Variants in NCKAP1 observed in about 807,000 individuals in gnomAD.
NCKAP1 encodes the protein NCK associated protein 1, also known as nck-associated protein 1.
NCKAP1 carries 21 observed loss-of-function variants against 151.2 expected under a neutral mutation model. The ratio of observed to expected loss-of-function variants is 0.14; its 90% confidence interval spans 0.10 to 0.20. NCKAP1 has a LOEUF of 0.20. Ranked by LOEUF, NCKAP1 falls within the 10% of genes least tolerant of loss-of-function variation. NCKAP1 has a pLI of 1.00. For missense variants in NCKAP1, 933 were observed against 1,352.1 expected, an observed-to-expected ratio of 0.69 and a Z score of 4.86; for synonymous variants, 484 against 451.8, an observed-to-expected ratio of 1.07 and a Z score of -0.90.
Position 182,995,754 on chromosome 2 carries a change from A to G in NCKAP1, c.688T>C (p.Leu230=), listed in dbSNP as rs1698256373. The G allele has an allele frequency of 1.2e-6, 2 of 1,613,934 alleles. No individual in the cohort carries two copies. The highest frequency in any genetic ancestry group is 2.2e-5 in the East Asian group (1 of 44,854). The part of the protein sequence containing the change: ...SADQWRNAQL[L]SLISAPSTML... The stretch of plus-strand genomic sequence containing the variant: ...GTACTAGGTGCACTGATGAGGCTCA[A>G]TAACTGGGCATTTCTCCACTGGTCA... The change falls in exon 7 of 31, where the codon TTG becomes CTG. Residue 230 remains leucine (L), a synonymous_variant. Coordinates refer to ENST00000361354, the MANE Select transcript of NCKAP1 (RefSeq NM_013436.5).
At chr2:182,934,593 T>C in intron 26 of NCKAP1, 159 bp downstream of exon 26, 1 of 524,736 alleles carries the variant, frequency 1.9e-6, no homozygotes, top group South Asian at 2.9e-5. Context: ...ATTTTGGTGC[T>C]GAGCTCTCAA....
At position 182,916,949 on chromosome 2, in the gene NCKAP1, T is replaced by C. The variant is rs1408997057; in HGVS notation, c.*8753A>G. The stretch of plus-strand genomic sequence containing the variant: ...CACACAAATGTTACATTTGCATGAG[T>C]GGAAGTTCTGATATTATAATACTCA... On this transcript the variant is annotated 3_prime_UTR_variant, in exon 31 of 31. Transcript: ENST00000361354. The C allele has an allele frequency of 6.6e-6, 1 of 152,066 alleles. No homozygotes were observed. The highest frequency in any genetic ancestry group is 1.5e-5 in the Non-Finnish European group (1 of 68,002). The allele number at this position is 152,066 out of a possible 1,614,324, so 9.4% of individuals were successfully genotyped here. A position where few individuals can be genotyped will look rare whatever the true frequency, so the allele number is the denominator to read the frequency against.
At position 182,989,058 on chromosome 2, in the gene NCKAP1, C is replaced by T; in HGVS notation, c.919G>A (p.Ala307Thr). The change falls in exon 9 of 31, where the codon GCA becomes ACA. Residue 307 changes from alanine (A) to threonine (T), a missense_variant. Ala to Thr is a moderately conservative substitution (Grantham distance 58). This residue lies in a region of NCKAP1 where 607 missense variants were observed against 795.0 expected (regional missense o/e 0.76). Transcript: ENST00000361354. ...RDEVFHIHKA[A>T]EDLFVNIRGY... ...CGTATGTTTACAAATAAGTCTTCTG[C>T]AGCTTTGTGAATGTGGAAAACTTCA... 1 of 1,612,638 alleles carries T rather than the reference C, an allele frequency of 6.2e-7. No homozygotes were observed. Among genetic ancestry groups the T allele is most frequent in the East Asian group, 2.2e-5 (1 of 44,858 alleles).
At position 183,038,360 on chromosome 2, in the gene NCKAP1, C is replaced by T. The variant is rs1699150638; in HGVS notation, c.-261G>A. 2.0e-5 allele frequency: 6 copies of T among 295,410 alleles called. No individual in the cohort carries two copies. The East Asian group carries it at 3.5e-4, about 17-fold the overall frequency. 18.3% of individuals were successfully genotyped at this position (295,410 alleles called of 1,614,324 possible). ...CCCGCCGCCCTTCCGCCCCCACCCC[C>T]GGCGCTCTCCGCCCCAGCCCCCAAC... is the stretch of plus-strand genomic sequence containing the variant. On this transcript the variant is annotated 5_prime_UTR_variant, in exon 1 of 31. Transcript: ENST00000361354.
intron 1 of NCKAP1, among the ~76,000 whole-genome samples, chr2:183,035,919 T>G (rs1448622777): frequency 1.3e-5 from 2 of 152,136 alleles, no homozygotes; most frequent in Non-Finnish European, 2.9e-5. Flanking sequence ...TTTCAAAAAT[T>G]ACACTGTCCC....
intron 15 of NCKAP1, among the ~76,000 whole-genome samples, chr2:182,972,782 T>C (rs897702588): frequency 1.3e-5 from 2 of 152,120 alleles, no homozygotes; most frequent in Non-Finnish European, 2.9e-5. Flanking sequence ...TTATGTTAAG[T>C]GAAATAAGCC....
intron 1 of NCKAP1, among the ~76,000 whole-genome samples, chr2:183,032,883 T>TA (rs1699032986): frequency 1.3e-5 from 2 of 151,068 alleles, no homozygotes; most frequent in Non-Finnish European, 3.0e-5. Flanking sequence ...CCCAACTCTA[T>TA]CAAAAAAAAT....
In NCKAP1 at chr2:183,024,181, AAAAG is replaced by A. The variant is rs200347366; in HGVS notation, c.109-269_109-266del. Among the ~76,000 whole-genome samples, 803 of 152,244 alleles carry A rather than the reference AAAAG, an allele frequency of 5.3e-3. 6 individuals are homozygous for A. The highest frequency in any genetic ancestry group is 0.018 in the African/African-American group (740 of 41,554). ...TGAAGGAAAAAGCTCAAACCTAAAA[AAAAG>A]AAAAAGAAAAAAAATTCTTGGTTTG... is the stretch of plus-strand genomic sequence containing the variant. On this transcript the variant is annotated intron_variant, in intron 1 of 30. Transcript: ENST00000361354.
intron 8 of NCKAP1, among the ~76,000 whole-genome samples, chr2:182,991,079 AT>A (rs1470320729): frequency 3.3e-5 from 5 of 152,206 alleles, no homozygotes; most frequent in Non-Finnish European, 7.3e-5. Context: ...GTGAAATCAG[AT>A]TTCACTTAGT....
chr2:182,983,385 A>G lies in NCKAP1; in HGVS notation c.1005-3T>C. The G allele has an allele frequency of 6.3e-7, 1 of 1,591,146 alleles. No homozygotes were observed. The highest frequency in any genetic ancestry group is 8.6e-7 in the Non-Finnish European group (1 of 1,160,776). On this transcript the variant is annotated splice_region_variant and splice_polypyrimidine_tract_variant and intron_variant, in intron 10 of 30. Coordinates refer to ENST00000361354, the MANE Select transcript of NCKAP1 (RefSeq NM_013436.5). ...GTCTTTCTCTGTGCATTGAACCACT[A>G]TGGGGAAAGACACCATAATAGTTTA...
chr2:182,985,310 G>A (rs1247724950), intron 10 of NCKAP1, among the ~76,000 whole-genome samples: 1 of 151,988 alleles, frequency 6.6e-6, no homozygotes, highest in Admixed American at 6.6e-5. Flanking sequence ...TCTGTATATA[G>A]TACCTAAGTT....
intron 2 of NCKAP1, among the ~76,000 whole-genome samples, chr2:183,008,743 G>A (rs1200786093): frequency 1.3e-5 from 2 of 152,152 alleles, no homozygotes; most frequent in African/African-American, 2.4e-5. Flanking sequence ...ATAAATTCAT[G>A]TCTCAAATGA....
At chr2:182,962,420 C>A (rs1697474523) in intron 17 of NCKAP1, 142 bp from the exon 18 acceptor site, 5 of 683,982 alleles carry the variant, frequency 7.3e-6, no homozygotes, top group Non-Finnish European at 1.1e-5. Context: ...ATTGCTTTTG[C>A]CTCTTGTAAC....
chr2:183,011,857 T>C (rs2105884581), intron 2 of NCKAP1, among the ~76,000 whole-genome samples: 1 of 152,350 alleles, frequency 6.6e-6, no homozygotes, highest in Non-Finnish European at 1.5e-5. Context: ...GAAGAGTTAC[T>C]GTAATAACAT....
intron 24 of NCKAP1, among the ~76,000 whole-genome samples, chr2:182,937,701 T>A (rs1053512389): frequency 4.6e-5 from 7 of 152,124 alleles, no homozygotes; most frequent in African/African-American, 1.4e-4. Flanking sequence ...GGCCAAACAA[T>A]GTATACCTTT....
At chr2:183,000,267 A>C (rs894308684) in intron 6 of NCKAP1, among the ~76,000 whole-genome samples, 1 of 152,242 alleles carries the variant, frequency 6.6e-6, no homozygotes, top group Non-Finnish European at 1.5e-5. Context: ...CAAATGAATT[A>C]TCCTATGTAA....
chr2:182,994,917 TA>T (rs772129391), intron 7 of NCKAP1, 30 bp from the exon 8 acceptor site: 1 of 1,547,300 alleles, frequency 6.5e-7, no homozygotes, highest in Admixed American at 1.7e-5. Flanking sequence ...CATTTGCAGT[TA>T]AAAGAAATTC....
intron 6 of NCKAP1, among the ~76,000 whole-genome samples, 169 bp from the exon 7 acceptor site, chr2:182,996,007 G>T (rs923609913): frequency 2.6e-5 from 4 of 152,128 alleles, no homozygotes; most frequent in African/African-American, 9.7e-5. Flanking sequence ...CTCTCCTCTA[G>T]AATTTTTTTG....
intron 15 of NCKAP1, among the ~76,000 whole-genome samples, chr2:182,968,027 G>A (rs915227000): frequency 6.6e-6 from 1 of 152,190 alleles, no homozygotes; most frequent in Admixed American, 6.5e-5. Context: ...TACAGAATAA[G>A]TACTGTTTGT....
Sources: allele counts gnomAD v4.1 joint callset (sites outside exome capture counted in the v4.1 genomes callset), GRCh38; gene constraint gnomAD v4.1.1; regional missense constraint gnomAD v4.1.1; transcripts MANE v1.5; gene names NCBI Gene and HGNC (gene_info 2026-07-23, HGNC 2026-07-21).